SERGEF: variants seen among roughly 807,000 people sequenced by gnomAD.
SERGEF encodes the protein secretion-regulating guanine nucleotide exchange factor.
Under a neutral mutation model 50.0 loss-of-function variants are expected in SERGEF, and 51 were observed. The observed-to-expected ratio is 1.02, with a 90% CI of 0.81 to 1.29. SERGEF has a LOEUF of 1.29. Ranked by LOEUF, SERGEF falls within the 50% of genes most tolerant of loss-of-function variation. The pLI is 0.00. For missense variants in SERGEF, 521 were observed against 557.0 expected, an observed-to-expected ratio of 0.94 and a Z score of 0.65; for synonymous variants, 205 against 212.4, an observed-to-expected ratio of 0.97 and a Z score of 0.30.
At chr11:17,892,354 C>A (rs1315920401) in intron 9 of SERGEF, among the ~76,000 whole-genome samples, 1 of 152,134 alleles carries the variant, frequency 6.6e-6, no homozygotes, top group Non-Finnish European at 1.5e-5. Flanking sequence ...TATATTTATG[C>A]TCATTTTTGC....
intron 7 of SERGEF, among the ~76,000 whole-genome samples, chr11:17,989,058 TGAG>T (rs1853655826): frequency 6.6e-6 from 1 of 152,224 alleles, no homozygotes; most frequent in Non-Finnish European, 1.5e-5. Context: ...ACCATGTGTA[TGAG>T]ACACATTTCT....
chr11:17,923,511 C>T (rs549481601), intron 9 of SERGEF, among the ~76,000 whole-genome samples: 2 of 152,340 alleles, frequency 1.3e-5, no homozygotes, highest in Non-Finnish European at 2.9e-5. Flanking sequence ...CTCCAGAAAC[C>T]TTCACACTCT....
chr11:17,833,765 C>T (rs185019805), intron 10 of SERGEF, among the ~76,000 whole-genome samples: 172 of 152,286 alleles, frequency 1.1e-3, no homozygotes, highest in Middle Eastern at 6.8e-3. Flanking sequence ...TTGACTGCCC[C>T]GCTGGATTCT....
chr11:17,827,564 T>G (rs777477642), intron 10 of SERGEF, among the ~76,000 whole-genome samples: 26 of 152,196 alleles, frequency 1.7e-4, no homozygotes, highest in Non-Finnish European at 3.1e-4. Context: ...GTTCTGGAGC[T>G]GCAGCACAAT....
chr11:17,962,589 A>G (rs1321827539), intron 8 of SERGEF, among the ~76,000 whole-genome samples: 2 of 152,240 alleles, frequency 1.3e-5, no homozygotes, highest in Non-Finnish European at 2.9e-5. Flanking sequence ...AAATAGCTCA[A>G]AACGAAGTCA....
At chr11:17,940,235 C>T (rs745316265) in intron 9 of SERGEF, among the ~76,000 whole-genome samples, 2 of 152,136 alleles carry the variant, frequency 1.3e-5, no homozygotes, top group Non-Finnish European at 2.9e-5. Flanking sequence ...ACCTTGCACT[C>T]TAAACATTCC....
intron 9 of SERGEF, among the ~76,000 whole-genome samples, chr11:17,899,077 G>C (rs187915297): frequency 5.9e-5 from 9 of 152,110 alleles, no homozygotes; most frequent in African/African-American, 1.9e-4. Flanking sequence ...CACTATGATT[G>C]TAAGTTTCCT....
intron 10 of SERGEF, among the ~76,000 whole-genome samples, chr11:17,809,839 A>G (rs1044493513): frequency 6.6e-6 from 1 of 152,180 alleles, no homozygotes; most frequent in Non-Finnish European, 1.5e-5. Flanking sequence ...GTCCTGGTAG[A>G]TGAATCTAGA....
rs140108033 is a variant in SERGEF, at chr11:17,825,423, C to T, written c.1049-37010G>A. Reference sequence around the variant, plus strand: ...TAGCAACCATGAAAGAGCAAGAGAGCGTGACTTGGTTCTTGTTTTCTGAAA... The same window carrying T: ...TAGCAACCATGAAAGAGCAAGAGAGTGTGACTTGGTTCTTGTTTTCTGAAA... On this transcript the variant is annotated intron_variant, in intron 10 of 10. Transcript: ENST00000265965. Among the ~76,000 whole-genome samples the T allele has an allele frequency of 4.6e-5, 7 of 152,234 alleles. No homozygotes were observed. The East Asian group carries it at 9.7e-4, about 21-fold the overall frequency.
At chr11:17,945,248 T>C (rs1303439315) in intron 9 of SERGEF, among the ~76,000 whole-genome samples, 1 of 152,264 alleles carries the variant, frequency 6.6e-6, no homozygotes, top group Non-Finnish European at 1.5e-5. Context: ...TGTTTGAGTG[T>C]GCTGAAAGCA....
At chr11:17,855,466 G>A (rs1202427359) in intron 10 of SERGEF, 1 of 152,150 alleles carries the variant, frequency 6.6e-6, no homozygotes, top group African/African-American at 2.4e-5. Context: ...AGACCCCCAA[G>A]GGATGCCTGA....
chr11:17,974,744 T>C (rs897818175), intron 8 of SERGEF, among the ~76,000 whole-genome samples: 12 of 152,178 alleles, frequency 7.9e-5, no homozygotes, highest in Non-Finnish European at 5.9e-5. Flanking sequence ...GATAAAATGG[T>C]CCCTTCTAGG....
chr11:17,998,380 G>A lies in SERGEF; in HGVS notation c.508+2117C>T, dbSNP rs1040040366. On this transcript the variant is annotated intron_variant, in intron 5 of 10. Transcript: ENST00000265965. ...CGCAGTGAACCATGAACACACCACT[G>A]TACCCCAGCCTGGACAACAGGGGGG... Among the ~76,000 whole-genome samples, 3 of 145,386 alleles carry A rather than the reference G, an allele frequency of 2.1e-5. No individual in the cohort carries two copies. In the East Asian group the frequency reaches 6.2e-4, roughly 30 times the overall value.
chr11:17,804,751 T>TC (rs1849727904), intron 10 of SERGEF, among the ~76,000 whole-genome samples: 1 of 152,184 alleles, frequency 6.6e-6, no homozygotes, highest in Admixed American at 6.5e-5. Flanking sequence ...ATTACTACCA[T>TC]TAGTGGTATA....
intron 8 of SERGEF, among the ~76,000 whole-genome samples, chr11:17,970,218 A>G (rs949589717): frequency 2.0e-5 from 3 of 152,184 alleles, no homozygotes; most frequent in African/African-American, 7.2e-5. Flanking sequence ...TCTGTGTGAC[A>G]TTTTGGTAAT....
chr11:17,986,702 AC>A (rs1853606463), intron 8 of SERGEF, among the ~76,000 whole-genome samples: 1 of 152,372 alleles, frequency 6.6e-6, no homozygotes, highest in East Asian at 1.9e-4. Context: ...AACCAAATTC[AC>A]CACCATTTGG....
chr11:17,908,528 C>T (rs1262440928), intron 9 of SERGEF, among the ~76,000 whole-genome samples: 1 of 152,180 alleles, frequency 6.6e-6, no homozygotes, highest in Non-Finnish European at 1.5e-5. Context: ...GCTCCACAAA[C>T]ATCTTATGTT....
chr11:17,873,009 T>A (rs1851172656), intron 10 of SERGEF, among the ~76,000 whole-genome samples: 1 of 152,100 alleles, frequency 6.6e-6, no homozygotes, highest in African/African-American at 2.4e-5. Context: ...TACCTGCACA[T>A]GTGGTAGAAG....
chr11:17,880,571 A>C (rs1401634315), intron 9 of SERGEF, among the ~76,000 whole-genome samples: 4 of 152,242 alleles, frequency 2.6e-5, no homozygotes, highest in African/African-American at 4.8e-5. Flanking sequence ...AAGGAGATAC[A>C]TCAAAATGTT....
Sources: gnomAD v4.1 joint callset for allele counts (sites outside exome capture counted in the v4.1 genomes callset) on GRCh38, gnomAD v4.1.1 for gene constraint, MANE v1.5 for transcripts, NCBI Gene and HGNC (gene_info 2026-07-23, HGNC 2026-07-21) for gene names.